CLYBL: variants seen among roughly 807,000 people sequenced by gnomAD.
CLYBL encodes the protein citramalyl-CoA lyase, mitochondrial.
A neutral mutation model predicts 38.9 loss-of-function variants in CLYBL; 31 were observed. The ratio of observed to expected loss-of-function variants is 0.80; its 90% confidence interval spans 0.60 to 1.08. CLYBL has a LOEUF of 1.08. Among genes scored for constraint, CLYBL ranks in the 50% least tolerant of loss-of-function variants. The pLI is 0.00. For synonymous variants in CLYBL, 171 were observed against 158.6 expected (o/e 1.08, Z -0.59); for missense variants, 434 against 411.6 (o/e 1.05, Z -0.47).
intron 1 of CLYBL, among the ~76,000 whole-genome samples, chr13:99,716,503 C>T (rs143299336): frequency 6.6e-6 from 1 of 150,846 alleles, no homozygotes; most frequent in East Asian, 1.9e-4. Context: ...CCTGCCTAAG[C>T]CTCCCAAGTA....
chr13:99,626,598 C>T (rs1043213255), intron 1 of CLYBL, among the ~76,000 whole-genome samples: 1 of 152,152 alleles, frequency 6.6e-6, no homozygotes, highest in African/African-American at 2.4e-5. Context: ...AACTCTGCAG[C>T]TTATGGGGCC....
intron 2 of CLYBL, among the ~76,000 whole-genome samples, chr13:99,825,586 A>G (rs2050679022): frequency 6.6e-6 from 1 of 152,102 alleles, no homozygotes; most frequent in Non-Finnish European, 1.5e-5. Flanking sequence ...ATTAGTGGGG[A>G]AGGGGGCCTG....
At chr13:99,777,778 C>A (rs2049553915) in intron 2 of CLYBL, among the ~76,000 whole-genome samples, 1 of 152,176 alleles carries the variant, frequency 6.6e-6, no homozygotes, top group Non-Finnish European at 1.5e-5. Context: ...CAGGCGTGAG[C>A]CTGAGAATTT....
At chr13:99,766,883 C>CT (rs1338011406) in intron 1 of CLYBL, among the ~76,000 whole-genome samples, 1 of 152,186 alleles carries the variant, frequency 6.6e-6, no homozygotes, top group Non-Finnish European at 1.5e-5. Context: ...TAGTGTGGTA[C>CT]TGCTAAACAG....
At chr13:99,746,395 A>G (rs1423288650) in intron 1 of CLYBL, among the ~76,000 whole-genome samples, 2 of 150,220 alleles carry the variant, frequency 1.3e-5, no homozygotes, top group Non-Finnish European at 2.9e-5. Flanking sequence ...ACCAGTACTA[A>G]TGGAATCTCT....
At chr13:99,614,028 C>G (rs950998822) in intron 1 of CLYBL, among the ~76,000 whole-genome samples, 5 of 152,088 alleles carry the variant, frequency 3.3e-5, no homozygotes, top group African/African-American at 1.2e-4. Context: ...CCCAGCAAAC[C>G]AGGATGGCCA....
chr13:99,889,216 T>C (rs1383363086), intron 7 of CLYBL, among the ~76,000 whole-genome samples: 1 of 152,228 alleles, frequency 6.6e-6, no homozygotes, highest in Non-Finnish European at 1.5e-5. Context: ...TTTGATTTCC[T>C]GTGCATCTAT....
intron 1 of CLYBL, among the ~76,000 whole-genome samples, chr13:99,681,625 C>T (rs1387368780): frequency 6.6e-6 from 1 of 152,178 alleles, no homozygotes; most frequent in African/African-American, 2.4e-5. Flanking sequence ...CTCCCACTGT[C>T]ACCCAGGCTA....
At chr13:99,681,559 T>G (rs956077661) in intron 1 of CLYBL, among the ~76,000 whole-genome samples, 3 of 152,122 alleles carry the variant, frequency 2.0e-5, no homozygotes, top group African/African-American at 7.2e-5. Flanking sequence ...TAAGGAGAAT[T>G]CAGGAATTAT....
intron 1 of CLYBL, among the ~76,000 whole-genome samples, chr13:99,723,343 C>T (rs2048421674): frequency 6.6e-6 from 1 of 152,154 alleles, no homozygotes. Flanking sequence ...AAAACAGAAA[C>T]ATCAAAAGGT....
chr13:99,786,330 A>G (rs1477464268), intron 2 of CLYBL, among the ~76,000 whole-genome samples: 2 of 151,348 alleles, frequency 1.3e-5, no homozygotes, highest in African/African-American at 4.9e-5. Flanking sequence ...TACATTAGGT[A>G]TATTTCCTAA....
intron 1 of CLYBL, among the ~76,000 whole-genome samples, chr13:99,740,530 G>A (rs563712371): frequency 5.3e-4 from 81 of 152,188 alleles, no homozygotes; most frequent in African/African-American, 3.1e-4. Flanking sequence ...TCCCCTCTCC[G>A]TCTGTCTTGT....
downstream of CLYBL, among the ~76,000 whole-genome samples, chr13:99,898,655 A>G (rs568361455): frequency 7.7e-4 from 117 of 152,272 alleles, no homozygotes; most frequent in Non-Finnish European, 1.4e-3. Flanking sequence ...CACTGTCCAC[A>G]CTGATCTTTT....
intron 2 of CLYBL, among the ~76,000 whole-genome samples, chr13:99,816,465 G>A (rs2139008333): frequency 6.6e-6 from 1 of 152,366 alleles, no homozygotes; most frequent in Non-Finnish European, 1.5e-5. Context: ...CCCCAAGAAT[G>A]AGGCAGTAGC....
At chr13:99,906,719 C>T (rs1287790360) in intron 9 of CLYBL, among the ~76,000 whole-genome samples, 1 of 152,288 alleles carries the variant, frequency 6.6e-6, no homozygotes, top group African/African-American at 2.4e-5. Flanking sequence ...CCACCGTGCC[C>T]GGCCTTGAGT....
intron 2 of CLYBL, among the ~76,000 whole-genome samples, chr13:99,819,075 G>T (rs1289710447): frequency 6.6e-6 from 1 of 152,100 alleles, no homozygotes; most frequent in Non-Finnish European, 1.5e-5. Context: ...GCCAGGCGTG[G>T]TGGCTCACAC....
chr13:99,659,963 A>T (rs1257550726), intron 1 of CLYBL, among the ~76,000 whole-genome samples: 2 of 152,158 alleles, frequency 1.3e-5, no homozygotes, highest in African/African-American at 4.8e-5. Flanking sequence ...AAAACTTAAT[A>T]ATAAGGCCAC....
chr13:99,816,718 C>T (rs1224447715), intron 2 of CLYBL, among the ~76,000 whole-genome samples: 1 of 152,204 alleles, frequency 6.6e-6, no homozygotes, highest in Non-Finnish European at 1.5e-5. Context: ...CAAGTCCTCA[C>T]CAAACACCGA....
chr13:99,807,751 G>A (rs2050260314), intron 2 of CLYBL, among the ~76,000 whole-genome samples: 1 of 152,044 alleles, frequency 6.6e-6, no homozygotes, highest in Non-Finnish European at 1.5e-5. Flanking sequence ...TGTACTTACT[G>A]CCAGTGTACA....
Sources: allele counts gnomAD v4.1 joint callset (sites outside exome capture counted in the v4.1 genomes callset), GRCh38; gene constraint gnomAD v4.1.1; transcripts MANE v1.5; gene names NCBI Gene and HGNC (gene_info 2026-07-23, HGNC 2026-07-21).